Variants in PRKCE observed in about 807,000 individuals in gnomAD.
The protein encoded by PRKCE is protein kinase C epsilon type.
PRKCE carries 16 observed loss-of-function variants against 85.4 expected under a neutral mutation model. The observed-to-expected ratio is 0.19, with a 90% CI of 0.13 to 0.28. PRKCE has a LOEUF of 0.28. Among genes scored for constraint, PRKCE ranks in the 10% least tolerant of loss-of-function variants. The probability of loss-of-function intolerance (pLI) is 1.00; values close to 1 mark genes in which losing one functional copy is unlikely to be tolerated. For synonymous variants in PRKCE, 388 were observed against 371.5 expected, an observed-to-expected ratio of 1.04 and a Z score of -0.51; for missense variants, 573 against 975.2, an observed-to-expected ratio of 0.59 and a Z score of 5.49.
chr2:45,758,808 G>A (rs574661549), intron 1 of PRKCE, among the ~76,000 whole-genome samples: 3 of 152,302 alleles, frequency 2.0e-5, no homozygotes, highest in African/African-American at 7.2e-5. Flanking sequence ...TTGTTGACTA[G>A]AAGATTTATT....
chr2:46,010,310 G>T (rs1273578553), intron 9 of PRKCE, 34 bp from the exon 10 acceptor site: 1 of 1,566,846 alleles, frequency 6.4e-7, no homozygotes, highest in Non-Finnish European at 8.6e-7. Context: ...TTCCATACAT[G>T]CATAGATTGA....
rs746777608 is a variant in PRKCE at position 46,004,628 on chromosome 2, T to G, written c.1053T>G (p.Pro351=). Residue 351 remains proline (P), a synonymous_variant, in exon 8 of 15, where the codon CCT becomes CCG. Transcript: ENST00000306156. This position sits in a 1 kb window ranked among gnomAD's most constrained non-coding sequence, Gnocchi z 4.1. ...GATCCAAGTCAGCACCCACCTCCCC[T>G]TGTGACCAGGGTGAGACCCTCAGAT... ...EDRSKSAPTS[P]CDQEIKELEN... is the part of the protein sequence containing the mutation. 4.4e-6 allele frequency: 7 copies of G among 1,584,018 alleles called. No homozygotes were observed. Among genetic ancestry groups the G allele is most frequent in the Non-Finnish European group, 5.1e-6 (6 of 1,172,024 alleles).
At chr2:45,928,434 A>T (rs1309257759) in intron 2 of PRKCE, among the ~76,000 whole-genome samples, 3 of 151,902 alleles carry the variant, frequency 2.0e-5, no homozygotes, top group Admixed American at 6.6e-5. Context: ...TGCCCAGCTA[A>T]TTTTTTGTAT....
intron 2 of PRKCE, among the ~76,000 whole-genome samples, chr2:45,926,053 A>G (rs544115542): frequency 1.3e-5 from 2 of 152,270 alleles, no homozygotes; most frequent in East Asian, 3.9e-4. Flanking sequence ...GAATTTCTAG[A>G]ATATTGTGCC....
intron 10 of PRKCE, among the ~76,000 whole-genome samples, chr2:46,019,766 A>ATTTT (rs1016176982): frequency 7.3e-6 from 1 of 137,462 alleles, no homozygotes; most frequent in African/African-American, 2.7e-5. Flanking sequence ...GCTAGGAGGC[A>ATTTT]TTTTTTTTTT....
At chr2:45,813,991 A>C (rs1170865965) in intron 1 of PRKCE, among the ~76,000 whole-genome samples, 1 of 152,182 alleles carries the variant, frequency 6.6e-6, no homozygotes, top group African/African-American at 2.4e-5. Context: ...TGAATCTCAT[A>C]AATTGACCTT....
intron 2 of PRKCE, among the ~76,000 whole-genome samples, chr2:45,934,758 A>G (rs1699305019): frequency 6.6e-6 from 1 of 152,168 alleles, no homozygotes; most frequent in African/African-American, 2.4e-5. Context: ...TCCACTAGAA[A>G]GAAACCACAA....
At position 46,007,687 on chromosome 2, in the gene PRKCE, G is replaced by A. The variant is rs1158506188; in HGVS notation, c.1263+26G>A. 5.0e-6 allele frequency: 8 copies of A among 1,594,628 alleles called. No individual in the cohort carries two copies. The African/African-American group carries it at 5.3e-5, about 11-fold the overall frequency. On this transcript the variant is annotated intron_variant, in intron 9 of 14. Transcript: ENST00000306156. ...GTCTGTGGCACACACGGGTGGAACT[G>A]CTGGTTTTGTTCTACTCCTTAGCAT...
rs1677539326 is a variant in PRKCE, at chr2:46,159,418, T to C, written c.1921-188T>C. Among the ~76,000 whole-genome samples, 1 of 152,232 alleles carries C rather than the reference T, an allele frequency of 6.6e-6. No homozygotes were observed. The highest frequency in any genetic ancestry group is 1.5e-5 in the Non-Finnish European group (1 of 68,038). ...GATACATGTACCATGTCTAGAATGG[T>C]GTCTGGGACATAGTCAATTCTATGT... On this transcript the variant is annotated intron_variant, in intron 13 of 14. Coordinates refer to ENST00000306156, the MANE Select transcript of PRKCE (RefSeq NM_005400.3). The surrounding 1 kb of genome is among the most constrained non-coding windows in gnomAD (Gnocchi z 4.1).
intron 1 of PRKCE, among the ~76,000 whole-genome samples, chr2:45,788,780 T>C (rs1183627896): frequency 6.6e-6 from 1 of 152,232 alleles, no homozygotes; most frequent in Non-Finnish European, 1.5e-5. Context: ...GTAGGCAAAG[T>C]AGTGCTATTC....
At chr2:45,796,075 C>T (rs1687412359) in intron 1 of PRKCE, among the ~76,000 whole-genome samples, 1 of 152,242 alleles carries the variant, frequency 6.6e-6, no homozygotes, top group Admixed American at 6.5e-5. Flanking sequence ...TGTGCCTTTG[C>T]TCATGCTGTT....
chr2:45,844,179 C>A (rs1278325756), intron 2 of PRKCE, among the ~76,000 whole-genome samples: 9 of 152,192 alleles, frequency 5.9e-5, no homozygotes, highest in Admixed American at 5.9e-4. Context: ...ATCACCCAAT[C>A]TCAACAGGTA....
intron 10 of PRKCE, among the ~76,000 whole-genome samples, chr2:46,025,351 C>T (rs1451697428): frequency 6.6e-6 from 1 of 152,206 alleles, no homozygotes; most frequent in Non-Finnish European, 1.5e-5. Context: ...ATACATTAGA[C>T]AACCAGTATT....
intron 1 of PRKCE, among the ~76,000 whole-genome samples, chr2:45,782,740 C>T (rs1369495669): frequency 1.3e-5 from 2 of 152,036 alleles, no homozygotes; most frequent in African/African-American, 4.8e-5. Context: ...AATCTATACA[C>T]ACACACAACT....
At position 46,159,674 on chromosome 2, in the gene PRKCE, G is replaced by C. The variant is rs571168471; in HGVS notation, c.1989G>C (p.Lys663Asn). ...CGCAGAATGGCGAGGACGCCATCAA[G>C]CAGCACCCATTCTTCAAAGAGATTG... is the stretch of plus-strand genomic sequence containing the variant. ...VASQNGEDAI[K>N]QHPFFKEIDW... Residue 663 changes from lysine to asparagine, a missense_variant, in exon 14 of 15, where the codon AAG (lysine) becomes AAC (asparagine). By Grantham distance (94) the Lys-to-Asn change is moderately conservative. Transcript: ENST00000306156. This position sits in a 1 kb window ranked among gnomAD's most constrained non-coding sequence, Gnocchi z 4.1. The C allele has an allele frequency of 1.3e-6, 2 of 1,599,568 alleles. No individual in the cohort carries two copies. The highest frequency in any genetic ancestry group is 1.7e-6 in the Non-Finnish European group (2 of 1,179,890).
chr2:45,971,276 C>T (rs1454017826), intron 2 of PRKCE, among the ~76,000 whole-genome samples: 1 of 152,198 alleles, frequency 6.6e-6, no homozygotes, highest in Non-Finnish European at 1.5e-5. Context: ...AGTATTTGTC[C>T]TGCCATTGGC....
chr2:45,868,067 C>A (rs1378196504), intron 2 of PRKCE, among the ~76,000 whole-genome samples: 1 of 152,028 alleles, frequency 6.6e-6, no homozygotes, highest in Non-Finnish European at 1.5e-5. Context: ...CTGCTTTTTG[C>A]TTTTTGGCTG....
intron 1 of PRKCE, among the ~76,000 whole-genome samples, chr2:45,744,413 TTTTCTTTCTTTCTTTCTTTC>T (rs1164620024): frequency 0.026 from 3,059 of 117,712 alleles, 107 homozygotes; most frequent in East Asian, 0.052. Context: ...CTTTCTTTTC[TTTTCTTTCTTTCTTTCTTTC>T]TTTCTTTCTT....
intron 1 of PRKCE, among the ~76,000 whole-genome samples, chr2:45,829,519 C>G (rs1311260729): frequency 1.3e-5 from 2 of 152,128 alleles, no homozygotes; most frequent in Admixed American, 1.3e-4. Flanking sequence ...CAAACTATTT[C>G]AGAGAATTTC....
Sources: gnomAD v4.1 joint callset for allele counts (sites outside exome capture counted in the v4.1 genomes callset) on GRCh38, gnomAD v4.1.1 for gene constraint, Gnocchi (gnomAD v3.1) non-coding constraint, MANE v1.5 for transcripts, NCBI Gene and HGNC (gene_info 2026-07-23, HGNC 2026-07-21) for gene names.